Variants in HPRT1 observed in about 807,000 individuals in gnomAD.
HPRT1 encodes hypoxanthine phosphoribosyltransferase 1.
Under a neutral mutation model 19.0 loss-of-function variants are expected in HPRT1, and 4 were observed. The ratio of observed to expected loss-of-function variants is 0.21; its 90% CI spans 0.10 to 0.48. The LOEUF (loss-of-function observed/expected upper bound fraction) is 0.48, where lower values mean the gene tolerates loss of function less well. Among genes scored for constraint, HPRT1 ranks in the 20% least tolerant of loss-of-function variants. The probability of loss-of-function intolerance (pLI) is 0.98; values close to 1 mark genes in which losing one functional copy is unlikely to be tolerated. For missense variants in HPRT1, 65 were observed against 164.0 expected, an observed-to-expected ratio of 0.40 and a Z score of 3.30; for synonymous variants, 53 against 54.9, an observed-to-expected ratio of 0.97 and a Z score of 0.15.
rs55742983 is a variant in HPRT1, at chrX:134,493,793, A to C, written c.485+203A>C. Among the ~76,000 whole-genome samples the C allele has an allele frequency of 5.4e-3, 608 of 112,149 alleles. 4 individuals carry two copies. Among genetic ancestry groups the C allele is most frequent in the Non-Finnish European group, 9.2e-3 (491 of 53,272 alleles). On this transcript the variant is annotated intron_variant, in intron 6 of 8. Transcript: ENST00000298556. ...ATAATTACAGTCACTTCCTTGCCTA[A>C]TATTAACATTTGGTTTTTCAGCATG...
intron 1 of HPRT1, among the ~76,000 whole-genome samples, chrX:134,473,113 C>T (rs1002243273): frequency 2.7e-5 from 3 of 111,297 alleles, no homozygotes; most frequent in Non-Finnish European, 5.7e-5. Context: ...TGGTCTCGAA[C>T]TCCTGAGCTC....
At chrX:134,480,399 C>T (rs1569356302) in intron 3 of HPRT1, among the ~76,000 whole-genome samples, 1 of 110,145 alleles carries the variant, frequency 9.1e-6, no homozygotes, top group East Asian at 2.9e-4. Context: ...CGGGATTTTC[C>T]CTCAGTTGCA....
intron 1 of HPRT1, among the ~76,000 whole-genome samples, chrX:134,471,734 G>A (rs1244406434): frequency 1.8e-5 from 2 of 110,301 alleles, no homozygotes; most frequent in African/African-American, 6.6e-5. Flanking sequence ...TCCACCTCCC[G>A]GGCTCAGGTG....
At chrX:134,467,910 G>A (rs2077601045) in intron 1 of HPRT1, among the ~76,000 whole-genome samples, 1 of 105,798 alleles carries the variant, frequency 9.5e-6, no homozygotes, top group African/African-American at 3.5e-5. Context: ...GATTCAAGCA[G>A]TTCTCCATGT....
chrX:134,477,483 T>C (rs774360061), intron 3 of HPRT1, among the ~76,000 whole-genome samples: 1 of 111,523 alleles, frequency 9.0e-6, no homozygotes, highest in Admixed American at 9.7e-5. Flanking sequence ...AAGGAAGATA[T>C]ACTGTTAAAC....
chrX:134,471,699 G>C (rs1371105869), intron 1 of HPRT1, among the ~76,000 whole-genome samples: 1 of 111,371 alleles, frequency 9.0e-6, no homozygotes, highest in African/African-American at 3.3e-5. Context: ...GGAGTGCAGT[G>C]GTGTGATCTC....
At chrX:134,477,340 C>T (rs1391236960) in intron 3 of HPRT1, among the ~76,000 whole-genome samples, 1 of 109,761 alleles carries the variant, frequency 9.1e-6, no homozygotes, top group Non-Finnish European at 1.9e-5. Flanking sequence ...GGATTATAGG[C>T]ATGAGCCACC....
chrX:134,471,795 A>C (rs1406451839), intron 1 of HPRT1, among the ~76,000 whole-genome samples: 2 of 109,833 alleles, frequency 1.8e-5, no homozygotes, highest in South Asian at 7.9e-4. Flanking sequence ...CGCGTGCCAC[A>C]TGCCTGGCTA....
Position 134,486,532 on chromosome X carries a change from T to C in HPRT1, c.384+2T>C. On this transcript the variant is annotated splice_donor_variant, in intron 4 of 8. Coordinates refer to ENST00000298556, the MANE Select transcript of HPRT1 (RefSeq NM_000194.3). LOFTEE classifies it high-confidence loss of function. Reference sequence around the variant, plus strand: ...GATCTCTCAACTTTAACTGGAAAGGTATGTATCTTGAAAGGGAAGAAAAAA... The same window carrying C: ...GATCTCTCAACTTTAACTGGAAAGGCATGTATCTTGAAAGGGAAGAAAAAA... The C allele has an allele frequency of 8.9e-7, 1 of 1,121,476 alleles. No individual in the cohort carries two copies. The highest frequency in any genetic ancestry group is 1.2e-6 in the Non-Finnish European group (1 of 816,728). The allele number at this position is 1,121,476 out of a possible 1,213,427, so 92.4% of individuals were successfully genotyped here.
At chrX:134,464,196 A>AAG (rs2077591353) in intron 1 of HPRT1, among the ~76,000 whole-genome samples, 2 of 112,425 alleles carry the variant, frequency 1.8e-5, no homozygotes, top group Non-Finnish European at 3.7e-5. Flanking sequence ...TAATTCTTCT[A>AAG]ACAGCTTTAT....
intron 6 of HPRT1, among the ~76,000 whole-genome samples, chrX:134,496,658 G>A (rs969031734): frequency 8.9e-6 from 1 of 112,110 alleles, no homozygotes; most frequent in African/African-American, 3.2e-5. Flanking sequence ...AGAGTCATGA[G>A]GGACATAATT....
rs781229145 is a variant in HPRT1 at position 134,500,118 on chromosome X, A to G, written c.*41A>G. 1.1e-6 allele frequency: 1 copy of G among 908,281 alleles called. No homozygotes were observed. Among genetic ancestry groups the G allele is most frequent in the African/African-American group, 1.9e-5 (1 of 52,351 alleles). 74.9% of individuals were successfully genotyped at this position (908,281 alleles called of 1,213,427 possible). On this transcript the variant is annotated 3_prime_UTR_variant, in exon 9 of 9. Coordinates refer to ENST00000298556, the MANE Select transcript of HPRT1 (RefSeq NM_000194.3). ...TGAGTTTGGAAACATCTGGAGTCCTATTGACATCGCCAGTAAAATTATCAA... is the reference window on the plus strand; with the variant it reads ...TGAGTTTGGAAACATCTGGAGTCCTGTTGACATCGCCAGTAAAATTATCAA...
At chrX:134,479,578 TTTGTTGTTG>T (rs747004660) in intron 3 of HPRT1, among the ~76,000 whole-genome samples, 3 of 111,141 alleles carry the variant, frequency 2.7e-5, no homozygotes, top group Non-Finnish European at 3.8e-5. Flanking sequence ...CCAGTGGTTT[TTTGTTGTTG>T]TTGTTGTTGT....
In HPRT1 at chrX:134,486,866, C is replaced by T. The variant is rs369044404; in HGVS notation, c.384+336C>T. ...TATGTGAGTCTATGTGAGGTAGACT[C>T]ACATAGTTTCCTAAAAGATAGCAAA... is the stretch of plus-strand genomic sequence containing the variant. On this transcript the variant is annotated intron_variant, in intron 4 of 8. Coordinates refer to ENST00000298556, the MANE Select transcript of HPRT1 (RefSeq NM_000194.3). Among the ~76,000 whole-genome samples the T allele has an allele frequency of 3.7e-5, 4 of 107,563 alleles. No homozygotes were observed. The East Asian group carries it at 8.8e-4, about 24-fold the overall frequency. 93.4% of individuals were successfully genotyped at this position (107,563 alleles called of 115,157 possible). A position where few individuals can be genotyped will look rare whatever the true frequency, so the allele number is the denominator to read the frequency against.
chrX:134,495,113 A>ATATC (rs2077677032), intron 6 of HPRT1, among the ~76,000 whole-genome samples: 1 of 107,787 alleles, frequency 9.3e-6, no homozygotes. Context: ...CTTGGAGGTG[A>ATATC]TATCGCCTCT....
chrX:134,486,583 T>C (rs2077653641), intron 4 of HPRT1, 53 bp downstream of exon 4: 1 of 701,755 alleles, frequency 1.4e-6, no homozygotes, highest in Non-Finnish European at 2.3e-6. Flanking sequence ...AGTCAATTAG[T>C]AACAGTGTGC....
chrX:134,489,835 A>T (rs1249087469), intron 4 of HPRT1, among the ~76,000 whole-genome samples: 1 of 111,939 alleles, frequency 8.9e-6, no homozygotes, highest in Non-Finnish European at 1.9e-5. Flanking sequence ...TGTTAGAGTC[A>T]GGAGACTATA....
chrX:134,473,233 C>T (rs748987863), intron 1 of HPRT1, 126 bp from the exon 2 acceptor site: 57 of 500,618 alleles, frequency 1.1e-4, no homozygotes, highest in Non-Finnish European at 1.9e-4. Context: ...ACAAAGTTAA[C>T]AGTTACTAAT....
chrX:134,479,918 T>A (rs2077634913), intron 3 of HPRT1, among the ~76,000 whole-genome samples: 1 of 110,845 alleles, frequency 9.0e-6, no homozygotes, highest in African/African-American at 3.3e-5. Flanking sequence ...GTGATTTTTT[T>A]ATTTTTATTT....
Sources: allele counts gnomAD v4.1 joint callset (sites outside exome capture counted in the v4.1 genomes callset), GRCh38; gene constraint gnomAD v4.1.1; transcripts MANE v1.5; gene names NCBI Gene and HGNC (gene_info 2026-07-23, HGNC 2026-07-21).